TTLL10: variants seen among roughly 807,000 people sequenced by gnomAD.
TTLL10 encodes the protein tubulin tyrosine ligase like 10, also known as inactive polyglycylase TTLL10.
TTLL10 carries 61 observed loss-of-function variants against 69.0 expected under a neutral mutation model. The ratio of observed to expected loss-of-function variants is 0.88; its 90% CI spans 0.72 to 1.09. The LOEUF is 1.09. Among genes scored for constraint, TTLL10 ranks in the 50% least tolerant of loss-of-function variants. The pLI, the probability that TTLL10 is intolerant of heterozygous loss-of-function variation, is 0.00. For missense variants in TTLL10, 962 were observed against 945.9 expected (o/e 1.02, Z -0.22); for synonymous variants, 408 against 393.3 (o/e 1.04, Z -0.44).
intron 3 of TTLL10, among the ~76,000 whole-genome samples, chr1:1,177,619 G>A (rs146672431): frequency 1.3e-5 from 2 of 152,222 alleles, no homozygotes; most frequent in Non-Finnish European, 2.9e-5. Context: ...CTGTCCTTGT[G>A]TCACTCTTCT....
chr1:1,178,191 A>AGCCTCG (rs1646932484), intron 3 of TTLL10, among the ~76,000 whole-genome samples: 1 of 152,014 alleles, frequency 6.6e-6, no homozygotes, highest in African/African-American at 2.4e-5. Flanking sequence ...CTCCAGCCTC[A>AGCCTCG]GAGCCCCCAC....
intron 10 of TTLL10, 144 bp from the exon 11 acceptor site, chr1:1,182,732 G>T (rs1258446912): frequency 8.2e-7 from 1 of 1,215,454 alleles, no homozygotes; most frequent in Non-Finnish European, 1.1e-6. Flanking sequence ...AGGAGCTGGG[G>T]CCAGGCGTGT....
chr1:1,182,223 C>T (rs1647092655), intron 9 of TTLL10, 138 bp from the exon 10 acceptor site: 1 of 756,264 alleles, frequency 1.3e-6, no homozygotes. Context: ...CGCAAAGTCC[C>T]CACAAGGAGA....
Position 1,185,292 on chromosome 1 carries a change from CCCAGCAG to C in TTLL10, c.1401+190_1401+196del. 7.1e-7 allele frequency: 1 copy of C among 1,408,868 alleles called. No homozygotes were observed. Among genetic ancestry groups the C allele is most frequent in the Non-Finnish European group, 9.2e-7 (1 of 1,085,174 alleles). 87.3% of individuals were successfully genotyped at this position (1,408,868 alleles called of 1,614,324 possible). A position where few individuals can be genotyped will look rare whatever the true frequency, so the allele number is the denominator to read the frequency against. On this transcript the variant is annotated intron_variant, in intron 13 of 15. Transcript: ENST00000379289. The surrounding 1 kb of genome is among the most constrained non-coding windows in gnomAD (Gnocchi z 6.1). ...GCTCACTTAGCTGGCAGTGCCTGTC[CCCAGCAG>C]CCAGCAAAGGCCCGGACGGAAAGCC...
At chr1:1,177,376 A>T (rs1268573053) in intron 3 of TTLL10, among the ~76,000 whole-genome samples, 1 of 151,824 alleles carries the variant, frequency 6.6e-6, no homozygotes, top group Non-Finnish European at 1.5e-5. Flanking sequence ...CAGTGGCACG[A>T]TCTCAGCTCA....
intron 13 of TTLL10, chr1:1,196,355 C>T: frequency 2.0e-6 from 1 of 505,004 alleles, no homozygotes; most frequent in South Asian, 2.3e-5. Context: ...CAGAGATTTC[C>T]TGTGAGTTTT....
Position 1,180,872 on chromosome 1 carries a change from C to T in TTLL10, c.755+12C>T. The T allele has an allele frequency of 1.9e-6, 3 of 1,547,832 alleles. No individual in the cohort carries two copies. Among genetic ancestry groups the T allele is most frequent in the Non-Finnish European group, 2.6e-6 (3 of 1,145,732 alleles). Reference sequence around the variant, plus strand: ...GGGGTCCAGGCCAGGTGAGTCTGCCCCTGCCCCTGCCCCCGTCCCTGCGCC... The same window carrying T: ...GGGGTCCAGGCCAGGTGAGTCTGCCTCTGCCCCTGCCCCCGTCCCTGCGCC... On this transcript the variant is annotated intron_variant, in intron 8 of 15. Transcript: ENST00000379289.
chr1:1,180,908 C>T, intron 8 of TTLL10, 48 bp downstream of exon 8: 1 of 1,421,928 alleles, frequency 7.0e-7, no homozygotes, highest in Non-Finnish European at 9.4e-7. Flanking sequence ...CGCCCCTACG[C>T]CTGCCCCTGC....
intron 3 of TTLL10, chr1:1,176,421 G>A (rs1162263276): frequency 2.2e-6 from 1 of 454,956 alleles, no homozygotes; most frequent in Non-Finnish European, 4.4e-6. Flanking sequence ...CATCAGGTCA[G>A]CTGCAAGCTC....
chr1:1,188,798 A>G (rs909902367), intron 13 of TTLL10, among the ~76,000 whole-genome samples: 2 of 152,192 alleles, frequency 1.3e-5, no homozygotes, highest in Non-Finnish European at 2.9e-5. Flanking sequence ...TGAATATAGG[A>G]TGTCTTTCCA....
intron 3 of TTLL10, among the ~76,000 whole-genome samples, chr1:1,178,642 C>T (rs902523513): frequency 2.6e-5 from 4 of 152,066 alleles, no homozygotes; most frequent in Admixed American, 2.6e-4. Flanking sequence ...AAAGATCTGT[C>T]GAGGAACTGG....
chr1:1,183,187 G>GC, intron 11 of TTLL10, 140 bp downstream of exon 11: 1 of 1,107,164 alleles, frequency 9.0e-7, no homozygotes, highest in Non-Finnish European at 1.2e-6. Context: ...CCACAGCCGG[G>GC]CCCCCGTGTA....
rs1444787458 is a variant in TTLL10 at position 1,180,261 on chromosome 1, C to T, written c.427C>T (p.Leu143=). The T allele has an allele frequency of 6.2e-7, 1 of 1,601,006 alleles. No homozygotes were observed. Among genetic ancestry groups the T allele is most frequent in the African/African-American group, 1.3e-5 (1 of 74,788 alleles). ...AGCTGCCCTCCTGGAGGGGCTCCTG[C>T]TGGGGGGTGGGAAGCCATCGCCCCA... The part of the protein sequence containing the change: ...PSAALLEGLL[L]GGGKPSPHST... Residue 143 remains leucine, a synonymous_variant, in exon 6 of 16, where the codon CTG becomes TTG. Transcript: ENST00000379289.
chr1:1,179,211 G>T lies in TTLL10; in HGVS notation c.-5G>T. On this transcript the variant is annotated 5_prime_UTR_variant, in exon 4 of 16. Transcript: ENST00000379289. ...CAGGGCCCTCGCCCGGGCACCCCCCGGCCAATGGACCACAGCTGCACCCGG... is the reference window on the plus strand; with the variant it reads ...CAGGGCCCTCGCCCGGGCACCCCCCTGCCAATGGACCACAGCTGCACCCGG... The T allele has an allele frequency of 6.5e-7, 1 of 1,539,008 alleles. No individual in the cohort carries two copies. Among genetic ancestry groups the T allele is most frequent in the Non-Finnish European group, 8.8e-7 (1 of 1,140,926 alleles).
In TTLL10 at chr1:1,196,705, G is replaced by A. The variant is rs151183220; in HGVS notation, c.1507G>A (p.Asp503Asn). Residue 503 changes from aspartate to asparagine, a missense_variant, in exon 14 of 16, where the codon GAC (aspartate) becomes AAC (asparagine). Asp to Asn is a conservative substitution (Grantham distance 23). Coordinates refer to ENST00000379289, the MANE Select transcript of TTLL10 (RefSeq NM_001130045.2). Reference protein sequence around the residue: ...DLIGCDFLIDDNFKVWLLEMN... With the variant: ...DLIGCDFLIDNNFKVWLLEMN... ...CATTGGCTGTGACTTCCTGATTGAT[G>A]ACAACTTCAAGGTGCTGTCCTGGGC... is the stretch of plus-strand genomic sequence containing the variant. The A allele has an allele frequency of 6.1e-5, 94 of 1,551,196 alleles. No individual in the cohort carries two copies. The Middle Eastern group carries it at 1.3e-3, about 22-fold the overall frequency.
intron 3 of TTLL10, among the ~76,000 whole-genome samples, chr1:1,176,901 C>T (rs541405099): frequency 2.0e-5 from 3 of 152,344 alleles, no homozygotes; most frequent in African/African-American, 7.2e-5. Context: ...TTTAAAAGCA[C>T]GCGGCTCTCT....
At chr1:1,184,902 G>T in intron 12 of TTLL10, 67 bp from the exon 13 acceptor site, 5 of 558,890 alleles carry the variant, frequency 8.9e-6, no homozygotes, top group Non-Finnish European at 1.6e-5. Flanking sequence ...GTTCTCTTGG[G>T]GACCCCCGTG....
At position 1,174,273 on chromosome 1, in the gene TTLL10, G is replaced by A. The variant is rs11260538; in HGVS notation, c.-130-12G>A. ...GGCTGCTTGAGCCCACAGGTCGTGC[G>A]TCCTTTGACAGCGGCCTCCGGCCGG... On this transcript the variant is annotated splice_polypyrimidine_tract_variant and intron_variant, in intron 1 of 15. Coordinates refer to ENST00000379289, the MANE Select transcript of TTLL10 (RefSeq NM_001130045.2). The A allele has an allele frequency of 0.13, 19,773 of 152,664 alleles. 1,629 individuals carry two copies. The highest frequency in any genetic ancestry group is 0.23 in the African/African-American group (9,625 of 41,544). 9.5% of individuals were successfully genotyped at this position (152,664 alleles called of 1,614,324 possible).
rs541541157 is a variant in TTLL10, at chr1:1,180,988, C to G, written c.755+128C>G. 4.4e-4 allele frequency: 364 copies of G among 829,196 alleles called. 1 individual carries two copies. In the African/African-American group the frequency reaches 6.2e-3, roughly 14 times the overall value. The allele number at this position is 829,196 out of a possible 1,614,324, so 51.4% of individuals were successfully genotyped here. A position where few individuals can be genotyped will look rare whatever the true frequency, so the allele number is the denominator to read the frequency against. On this transcript the variant is annotated intron_variant, in intron 8 of 15. Coordinates refer to ENST00000379289, the MANE Select transcript of TTLL10 (RefSeq NM_001130045.2). ...TGCCCTTGCCCCTGCCCCTGGCCAC[C>G]CAGGCTCCCAGGCTGGCTCCAGCCC...
Sources: allele counts gnomAD v4.1 joint callset (sites outside exome capture counted in the v4.1 genomes callset), GRCh38; gene constraint gnomAD v4.1.1; non-coding constraint Gnocchi (gnomAD v3.1); transcripts MANE v1.5; gene names NCBI Gene and HGNC (gene_info 2026-07-23, HGNC 2026-07-21).